CIMIP2A: variants seen among roughly 807,000 people sequenced by gnomAD.
CIMIP2A encodes the protein family with sequence similarity 166 member A.
the CIMIP2A span, chr9:137,252,575 T>TG: frequency 3.2e-6 from 1 of 310,214 alleles, no homozygotes; most frequent in Non-Finnish European, 4.5e-6. Flanking sequence ...GGCAGGGGGC[T>TG]GGGGGTTCCA....
chr9:137,251,749 C>G, the CIMIP2A span: 2 of 1,570,882 alleles, frequency 1.3e-6, no homozygotes, highest in Non-Finnish European at 1.7e-6. Flanking sequence ...CCCAAGGCAT[C>G]TGTGCTGTTG....
chr9:137,254,888 C>T, the CIMIP2A span, among the ~76,000 whole-genome samples: 2 of 152,202 alleles, frequency 1.3e-5, no homozygotes, highest in Non-Finnish European at 2.9e-5. Context: ...GTTTTGGCGA[C>T]AGCGCCGGGG....
the CIMIP2A span, chr9:137,251,176 C>T: frequency 1.3e-5 from 11 of 853,008 alleles, no homozygotes; most frequent in Non-Finnish European, 2.2e-5. Flanking sequence ...CGGGGCAGCC[C>T]CTCCAGGGCC....
chr9:137,251,502 G>C, the CIMIP2A span: 8 of 1,020,552 alleles, frequency 7.8e-6, no homozygotes, highest in Non-Finnish European at 1.0e-5. Flanking sequence ...GGGGACTGAG[G>C]GACAGTGTGG....
chr9:137,243,894 A>T, the CIMIP2A span: 3 of 1,270,744 alleles, frequency 2.4e-6, no homozygotes, highest in Non-Finnish European at 2.3e-6. Context: ...GGCCCTGGGT[A>T]TCTGCTTGGT....
the CIMIP2A span, chr9:137,251,723 T>C: frequency 6.4e-7 from 1 of 1,555,326 alleles, no homozygotes; most frequent in Non-Finnish European, 8.7e-7. Context: ...CAGTGGCTGC[T>C]GGTCTCCCTT....
At chr9:137,253,453 C>A in the CIMIP2A span, 1 of 1,436,730 alleles carries the variant, frequency 7.0e-7, no homozygotes, top group Non-Finnish European at 9.1e-7. Context: ...CCCATCTCCC[C>A]GCTACACTGA....
chr9:137,245,500 T>C, the CIMIP2A span: 1 of 1,613,664 alleles, frequency 6.2e-7, no homozygotes, highest in Non-Finnish European at 8.5e-7. Context: ...CTCCTGGGCG[T>C]CCACCTCCAA....
At chr9:137,244,939 C>A in the CIMIP2A span, 2 of 1,601,262 alleles carry the variant, frequency 1.2e-6, no homozygotes, top group Admixed American at 3.4e-5. Context: ...CTGGAAGCAG[C>A]TGGGAGGCAG....
At chr9:137,249,948 G>A in the CIMIP2A span, among the ~76,000 whole-genome samples, 5 of 152,192 alleles carry the variant, frequency 3.3e-5, no homozygotes, top group Admixed American at 3.3e-4. Flanking sequence ...AGGGGCCCAG[G>A]CTTGCGACTG....
the CIMIP2A span, chr9:137,247,731 G>T: frequency 6.2e-7 from 1 of 1,612,572 alleles, no homozygotes. Flanking sequence ...TTTCACTCTG[G>T]CCTTGCTGGC....
chr9:137,244,243 C>T, the CIMIP2A span: 2 of 1,613,790 alleles, frequency 1.2e-6, no homozygotes, highest in Non-Finnish European at 1.7e-6. Flanking sequence ...CAGTGTGTTC[C>T]AGGCAGCTTC....
the CIMIP2A span, among the ~76,000 whole-genome samples, chr9:137,249,651 C>T: frequency 6.6e-6 from 1 of 152,232 alleles, no homozygotes; most frequent in African/African-American, 2.4e-5. Flanking sequence ...GGAATGCTGA[C>T]ATCAGGAAGC....
chr9:137,243,654 T>G, the CIMIP2A span: 1 of 1,614,098 alleles, frequency 6.2e-7, no homozygotes, highest in Non-Finnish European at 8.5e-7. Context: ...CTTGCTGTTT[T>G]CCCTGTCCAC....
chr9:137,252,377 G>C, the CIMIP2A span: 1 of 1,537,526 alleles, frequency 6.5e-7, no homozygotes, highest in South Asian at 1.2e-5. Flanking sequence ...ACAGGTTCGA[G>C]TGGGGACTGT....
chr9:137,249,467 G>C, the CIMIP2A span, among the ~76,000 whole-genome samples: 3 of 152,214 alleles, frequency 2.0e-5, no homozygotes, highest in East Asian at 5.8e-4. Context: ...CATAGCCCTT[G>C]GTAGGGCCTT....
the CIMIP2A span, among the ~76,000 whole-genome samples, chr9:137,249,212 A>G: frequency 5.3e-5 from 8 of 152,342 alleles, no homozygotes; most frequent in African/African-American, 9.6e-5. Context: ...GGCATAAAGC[A>G]GGACCATAAT....
chr9:137,243,936 C>T, the CIMIP2A span: 4 of 1,004,674 alleles, frequency 4.0e-6, no homozygotes, highest in East Asian at 7.4e-5. Flanking sequence ...CAGGCCTGTC[C>T]TGTTCCAGGT....
At chr9:137,251,794 C>T in the CIMIP2A span, 1 of 1,595,938 alleles carries the variant, frequency 6.3e-7, no homozygotes, top group Admixed American at 1.7e-5. Context: ...TGGGATGAGA[C>T]ACAGCCCCCA....
Sources: gnomAD v4.1 joint callset for allele counts (sites outside exome capture counted in the v4.1 genomes callset) on GRCh38, gnomAD v4.1.1 for gene constraint, MANE v1.5 for transcripts, NCBI Gene and HGNC (gene_info 2026-07-23, HGNC 2026-07-21) for gene names.